EXOC4: variants seen among roughly 807,000 people sequenced by gnomAD.
EXOC4 encodes SEC8-like 1.
Under a neutral mutation model 107.2 loss-of-function variants are expected in EXOC4, and 71 were observed. The observed-to-expected ratio is 0.66, with a 90% CI of 0.55 to 0.81. The LOEUF (loss-of-function observed/expected upper bound fraction) is 0.81, where lower values mean the gene tolerates loss of function less well. EXOC4 is among the 30% of genes least tolerant of loss of function. EXOC4 has a pLI of 0.00. For synonymous variants in EXOC4, 456 were observed against 441.2 expected (o/e 1.03, Z -0.42); for missense variants, 1,108 against 1,189.6 (o/e 0.93, Z 1.01).
intron 7 of EXOC4, among the ~76,000 whole-genome samples, chr7:133,430,578 T>C: frequency 6.6e-6 from 1 of 152,172 alleles, no homozygotes; most frequent in East Asian, 1.9e-4. Flanking sequence ...GCTATAAAAA[T>C]TTGTATGCAA....
At chr7:133,822,125 A>C (rs577408205) in intron 11 of EXOC4, among the ~76,000 whole-genome samples, 1 of 152,342 alleles carries the variant, frequency 6.6e-6, no homozygotes, top group Non-Finnish European at 1.5e-5. Flanking sequence ...ACCTGTTGCA[A>C]GGAAAGCATG....
intron 9 of EXOC4, among the ~76,000 whole-genome samples, chr7:133,614,346 G>A (rs926988103): frequency 6.7e-6 from 1 of 148,214 alleles, no homozygotes; most frequent in African/African-American, 2.6e-5. Context: ...AAGAAGTCTT[G>A]AATAACAAGA....
chr7:133,664,997 TG>T (rs1793780075), intron 10 of EXOC4, among the ~76,000 whole-genome samples: 1 of 152,180 alleles, frequency 6.6e-6, no homozygotes, highest in Non-Finnish European at 1.5e-5. Context: ...TTTACAGTGG[TG>T]GGGGAATCTC....
intron 9 of EXOC4, among the ~76,000 whole-genome samples, chr7:133,573,235 T>C (rs957436712): frequency 3.9e-5 from 6 of 152,212 alleles, no homozygotes; most frequent in African/African-American, 1.4e-4. Flanking sequence ...TGTATATTGT[T>C]AGAGATGGAA....
chr7:133,319,588 C>G (rs1485239296), intron 5 of EXOC4, among the ~76,000 whole-genome samples: 1 of 152,130 alleles, frequency 6.6e-6, no homozygotes, highest in Non-Finnish European at 1.5e-5. Flanking sequence ...CTTCTGGGCT[C>G]ATGCGATTCT....
At chr7:134,061,954 G>GA (rs1255346581) in intron 17 of EXOC4, among the ~76,000 whole-genome samples, 5 of 152,146 alleles carry the variant, frequency 3.3e-5, no homozygotes, top group Non-Finnish European at 7.4e-5. Flanking sequence ...AACTTCAAAA[G>GA]ATTTACTGAT....
chr7:134,063,979 A>G (rs1391503906), intron 17 of EXOC4, among the ~76,000 whole-genome samples: 1 of 152,166 alleles, frequency 6.6e-6, no homozygotes, highest in Non-Finnish European at 1.5e-5. Flanking sequence ...CTATACCCCT[A>G]CTTTTCTTTC....
chr7:133,752,319 T>C (rs777447328), intron 10 of EXOC4, among the ~76,000 whole-genome samples: 1 of 152,208 alleles, frequency 6.6e-6, no homozygotes, highest in East Asian at 1.9e-4. Flanking sequence ...GAAAAAAGCA[T>C]GGGTGCAGAG....
chr7:133,649,029 A>T (rs1297624890), intron 10 of EXOC4, among the ~76,000 whole-genome samples: 2 of 152,134 alleles, frequency 1.3e-5, no homozygotes, highest in Admixed American at 6.5e-5. Context: ...TGGTAGTTTT[A>T]CAAGCCTCAG....
chr7:134,086,301 G>A, the EXOC4 span, among the ~76,000 whole-genome samples: 9 of 152,296 alleles, frequency 5.9e-5, no homozygotes, highest in African/African-American at 1.9e-4. Context: ...TTTGAAAGTT[G>A]AGCACTGACA....
At chr7:133,393,233 T>A (rs1212261423) in intron 7 of EXOC4, among the ~76,000 whole-genome samples, 1 of 152,154 alleles carries the variant, frequency 6.6e-6, no homozygotes, top group Non-Finnish European at 1.5e-5. Context: ...TATATTTTTC[T>A]TCCTCTACTG....
chr7:133,645,234 G>A (rs913199755), intron 10 of EXOC4, among the ~76,000 whole-genome samples: 1 of 151,950 alleles, frequency 6.6e-6, no homozygotes, highest in Non-Finnish European at 1.5e-5. Context: ...TGGGACTACA[G>A]GCGTGTGCCA....
At chr7:133,264,201 C>T (rs1192353568) in intron 1 of EXOC4, among the ~76,000 whole-genome samples, 1 of 152,106 alleles carries the variant, frequency 6.6e-6, no homozygotes, top group African/African-American at 2.4e-5. Context: ...CCTTTGTTGC[C>T]TAAGAGATTT....
chr7:133,832,731 T>C (rs1263183831), intron 11 of EXOC4, among the ~76,000 whole-genome samples: 1 of 152,242 alleles, frequency 6.6e-6, no homozygotes, highest in Non-Finnish European at 1.5e-5. Flanking sequence ...TTGCTTCCAT[T>C]TAGAGTTATT....
intron 9 of EXOC4, among the ~76,000 whole-genome samples, chr7:133,549,117 C>T (rs552607427): frequency 1.3e-5 from 2 of 152,326 alleles, no homozygotes; most frequent in African/African-American, 4.8e-5. Context: ...GATTCTCATG[C>T]GTCAGCCTCC....
At chr7:133,512,526 G>A (rs1460117950) in intron 9 of EXOC4, among the ~76,000 whole-genome samples, 3 of 152,132 alleles carry the variant, frequency 2.0e-5, no homozygotes, top group African/African-American at 7.2e-5. Flanking sequence ...TAGCATCAGG[G>A]AGATGGAGCA....
At chr7:133,634,714 A>G (rs903914175) in intron 10 of EXOC4, among the ~76,000 whole-genome samples, 2 of 152,042 alleles carry the variant, frequency 1.3e-5, no homozygotes, top group Admixed American at 6.5e-5. Context: ...AGAACTCCTA[A>G]CAGGTGATCC....
At chr7:134,069,991 A>G (rs1796250443), downstream of EXOC4, among the ~76,000 whole-genome samples, 2 of 152,246 alleles carry the variant, frequency 1.3e-5, no homozygotes, top group Non-Finnish European at 2.9e-5. Flanking sequence ...AGACCAGCCA[A>G]GGGGCTGTCC....
At chr7:133,259,005 A>G (rs953922808) in intron 1 of EXOC4, among the ~76,000 whole-genome samples, 6 of 152,162 alleles carry the variant, frequency 3.9e-5, no homozygotes, top group Admixed American at 6.5e-5. Flanking sequence ...AAAGGACAAC[A>G]ATATTGTGTA....
Sources: allele counts gnomAD v4.1 joint callset (sites outside exome capture counted in the v4.1 genomes callset), GRCh38; gene constraint gnomAD v4.1.1; transcripts MANE v1.5; gene names NCBI Gene and HGNC (gene_info 2026-07-23, HGNC 2026-07-21).